The following PRDM16 variants were observed in gnomAD, a reference collection of about 807,000 sequenced individuals.
PRDM16 encodes the protein PR/SET domain 16.
Under a neutral mutation model 110.6 loss-of-function variants are expected in PRDM16, and 23 were observed. That is an observed-to-expected ratio of 0.21 (90% CI 0.15 to 0.29). PRDM16 has a LOEUF of 0.29. Among genes scored for constraint, PRDM16 ranks in the 10% least tolerant of loss-of-function variants. PRDM16 has a pLI of 1.00. For synonymous variants in PRDM16, 799 were observed against 781.8 expected (o/e 1.02, Z -0.37); for missense variants, 1,615 against 1,794.3 (o/e 0.90, Z 1.81).
chr1:3,248,842 G>A (rs1432573439), intron 3 of PRDM16, among the ~76,000 whole-genome samples: 4 of 152,240 alleles, frequency 2.6e-5, no homozygotes, highest in Admixed American at 6.5e-5. Context: ...TCTATAGCCC[G>A]GCCCGGGCAA....
rs968298101 is a variant in PRDM16, at chr1:3,339,578, G to A, written c.439-45574G>A. Among the ~76,000 whole-genome samples, 2 of 151,982 alleles carry A rather than the reference G, an allele frequency of 1.3e-5. No homozygotes were observed. The highest frequency in any genetic ancestry group is 6.6e-5 in the Admixed American group (1 of 15,254). On this transcript the variant is annotated intron_variant, in intron 3 of 16. Transcript: ENST00000270722. This position sits in a 1 kb window ranked among gnomAD's most constrained non-coding sequence, Gnocchi z 5.0. ...CAGTGAGGTGGGAAGGAGCGTGGGA[G>A]GAGGCTGCGGAGCGACCATTGCCTT...
At chr1:3,409,697 G>GTT (rs1643637027) in intron 8 of PRDM16, among the ~76,000 whole-genome samples, 1 of 150,152 alleles carries the variant, frequency 6.7e-6, no homozygotes, top group African/African-American at 2.4e-5. Flanking sequence ...TGTGTGTGGT[G>GTT]TATGTGCATG....
At chr1:3,180,526 G>A (rs1557506551) in intron 1 of PRDM16, among the ~76,000 whole-genome samples, 1 of 152,156 alleles carries the variant, frequency 6.6e-6, no homozygotes, top group Non-Finnish European at 1.5e-5. Context: ...AGCTGGGTGG[G>A]ACCGAGTCCC....
In PRDM16 at chr1:3,213,396, T is replaced by A. The variant is rs538667750; in HGVS notation, c.387+26922T>A. Among the ~76,000 whole-genome samples, 1 of 152,310 alleles carries A rather than the reference T, an allele frequency of 6.6e-6. No homozygotes were observed. Among genetic ancestry groups the A allele is most frequent in the African/African-American group, 2.4e-5 (1 of 41,564 alleles). Reference sequence around the variant, plus strand: ...GGGGCGGGATGGCGGGTCCTGGGCGTCTCGGCTCCGCCATTGTCATTAATT... The same window carrying A: ...GGGGCGGGATGGCGGGTCCTGGGCGACTCGGCTCCGCCATTGTCATTAATT... On this transcript the variant is annotated intron_variant, in intron 2 of 16. Coordinates refer to ENST00000270722, the MANE Select transcript of PRDM16 (RefSeq NM_022114.4). The surrounding 1 kb of genome is among the most constrained non-coding windows in gnomAD (Gnocchi z 5.3).
chr1:3,348,502 G>A (rs1356698250), intron 3 of PRDM16, among the ~76,000 whole-genome samples: 1 of 152,226 alleles, frequency 6.6e-6, no homozygotes, highest in East Asian at 1.9e-4. Flanking sequence ...AGTGGGCACG[G>A]CTTCTGCTGC....
Position 3,246,081 on chromosome 1 carries a change from G to T in PRDM16, c.438+1944G>T, listed in dbSNP as rs1019314595. 2.6e-5 allele frequency among the ~76,000 whole-genome samples: 4 copies of T among 152,168 alleles called. No individual in the cohort carries two copies. The highest frequency in any genetic ancestry group is 6.5e-5 in the Admixed American group (1 of 15,278). On this transcript the variant is annotated intron_variant, in intron 3 of 16. Coordinates refer to ENST00000270722, the MANE Select transcript of PRDM16 (RefSeq NM_022114.4). This position sits in a 1 kb window ranked among gnomAD's most constrained non-coding sequence, Gnocchi z 5.2. ...AAGTCTAGATTTAAAGGGCCCGGGG[G>T]AGGCAAGTGCTGGCTGCTTCTGAAC...
chr1:3,253,375 C>T (rs1311083013), intron 3 of PRDM16, among the ~76,000 whole-genome samples: 2 of 113,158 alleles, frequency 1.8e-5, no homozygotes, highest in East Asian at 2.9e-4. Context: ...CACCCCACAA[C>T]AGTCCCCAGA....
At chr1:3,273,439 TGTG>T (rs1298982597) in intron 3 of PRDM16, among the ~76,000 whole-genome samples, 10 of 87,950 alleles carry the variant, frequency 1.1e-4, no homozygotes, top group African/African-American at 4.6e-4. Context: ...TGCGTGCACA[TGTG>T]TGTGTGTGGG....
chr1:3,145,865 T>G (rs1380084894), intron 1 of PRDM16, among the ~76,000 whole-genome samples: 1 of 152,206 alleles, frequency 6.6e-6, no homozygotes, highest in East Asian at 1.9e-4. Flanking sequence ...TCTGACTCTG[T>G]ATCGCCCCAG....
At chr1:3,314,099 A>G (rs1005417482) in intron 3 of PRDM16, among the ~76,000 whole-genome samples, 1 of 148,260 alleles carries the variant, frequency 6.7e-6, no homozygotes, top group African/African-American at 2.6e-5. Context: ...CATAAAATGG[A>G]CCCAAGTCAC....
rs1638267433 is a variant in PRDM16, at chr1:3,190,281, G to A, written c.387+3807G>A. 6.6e-6 allele frequency among the ~76,000 whole-genome samples: 1 copy of A among 152,070 alleles called. No individual in the cohort carries two copies. Among genetic ancestry groups the A allele is most frequent in the Admixed American group, 6.5e-5 (1 of 15,268 alleles). On this transcript the variant is annotated intron_variant, in intron 2 of 16. Coordinates refer to ENST00000270722, the MANE Select transcript of PRDM16 (RefSeq NM_022114.4). This position sits in a 1 kb window ranked among gnomAD's most constrained non-coding sequence, Gnocchi z 5.0. ...AGGTCGTGGGGCAGCCTTACTTCAA[G>A]GTCGTGGGGCAGCCTTACTTTAAGT...
intron 2 of PRDM16, among the ~76,000 whole-genome samples, chr1:3,229,882 C>T (rs941156686): frequency 6.6e-6 from 1 of 152,192 alleles, no homozygotes; most frequent in Non-Finnish European, 1.5e-5. Context: ...TTCCTTAGAG[C>T]AGGGTCTCTG....
rs549616526 is a variant in PRDM16 at position 3,116,937 on chromosome 1, G to T, written c.37+47641G>T. On this transcript the variant is annotated intron_variant, in intron 1 of 16. Coordinates refer to ENST00000270722, the MANE Select transcript of PRDM16 (RefSeq NM_022114.4). ...CAAGCCCGACCTCCCTCCCTCCACGGCACTCACACCTGGGGTGGATCAGGA... is the reference window on the plus strand; with the variant it reads ...CAAGCCCGACCTCCCTCCCTCCACGTCACTCACACCTGGGGTGGATCAGGA... Among the ~76,000 whole-genome samples, 63 of 152,280 alleles carry T rather than the reference G, an allele frequency of 4.1e-4. 1 individual carries two copies. Among genetic ancestry groups the T allele is most frequent in the Admixed American group, 1.4e-3 (22 of 15,298 alleles).
rs904354143 is a variant in PRDM16 at position 3,080,087 on chromosome 1, G to T, written c.37+10791G>T. Among the ~76,000 whole-genome samples, 2 of 152,324 alleles carry T rather than the reference G, an allele frequency of 1.3e-5. No homozygotes were observed. The highest frequency in any genetic ancestry group is 2.9e-5 in the Non-Finnish European group (2 of 68,034). On this transcript the variant is annotated intron_variant, in intron 1 of 16. Coordinates refer to ENST00000270722, the MANE Select transcript of PRDM16 (RefSeq NM_022114.4). The surrounding 1 kb of genome is among the most constrained non-coding windows in gnomAD (Gnocchi z 5.2). ...CGGCAGCGATCTGGAGCACTTTTCC[G>T]CACGCTGTAACCCCTGAGAAGAAAC... is the stretch of plus-strand genomic sequence containing the variant.
intron 1 of PRDM16, among the ~76,000 whole-genome samples, chr1:3,159,140 T>C (rs1466896038): frequency 1.3e-5 from 2 of 152,196 alleles, no homozygotes; most frequent in Non-Finnish European, 2.9e-5. Context: ...CCTTGAGACC[T>C]TGGGCTGGGG....
At chr1:3,276,063 C>A (rs568086977) in intron 3 of PRDM16, among the ~76,000 whole-genome samples, 1 of 152,224 alleles carries the variant, frequency 6.6e-6, no homozygotes, top group African/African-American at 2.4e-5. Context: ...GACACCACGT[C>A]GTGTTGACAA....
chr1:3,359,577 C>T lies in PRDM16; in HGVS notation c.439-25575C>T, dbSNP rs946849270. ...CATCTCTCCCTGCAGCTACTCCAGG[C>T]TCGGGTTTCAGCCTCCCCTCCACCT... On this transcript the variant is annotated intron_variant, in intron 3 of 16. Transcript: ENST00000270722. This position sits in a 1 kb window ranked among gnomAD's most constrained non-coding sequence, Gnocchi z 4.3. Among the ~76,000 whole-genome samples the T allele has an allele frequency of 6.6e-6, 1 of 152,184 alleles. No individual in the cohort carries two copies. Among genetic ancestry groups the T allele is most frequent in the Non-Finnish European group, 1.5e-5 (1 of 68,028 alleles).
At chr1:3,234,201 T>TG (rs1194519684) in intron 2 of PRDM16, among the ~76,000 whole-genome samples, 4 of 152,196 alleles carry the variant, frequency 2.6e-5, no homozygotes, top group Admixed American at 6.5e-5. Context: ...CCCCCTGTTC[T>TG]GGGGGCCTTC....
At position 3,244,031 on chromosome 1, in the gene PRDM16, G is replaced by A; in HGVS notation, c.388-56G>A. On this transcript the variant is annotated intron_variant, in intron 2 of 16. Coordinates refer to ENST00000270722, the MANE Select transcript of PRDM16 (RefSeq NM_022114.4). The surrounding 1 kb of genome is among the most constrained non-coding windows in gnomAD (Gnocchi z 4.1). ...CTGCCCCCACCATTTAGAACCCAGT[G>A]TAGCTTGAGAATGTTTTATCAGAAA... 6.4e-7 allele frequency: 1 copy of A among 1,573,206 alleles called. No homozygotes were observed. The highest frequency in any genetic ancestry group is 1.1e-5 in the South Asian group (1 of 90,268).
Sources: allele counts gnomAD v4.1 joint callset (sites outside exome capture counted in the v4.1 genomes callset), GRCh38; gene constraint gnomAD v4.1.1; non-coding constraint Gnocchi (gnomAD v3.1); transcripts MANE v1.5; gene names NCBI Gene and HGNC (gene_info 2026-07-23, HGNC 2026-07-21).